NPFFR1: variants seen among roughly 807,000 people sequenced by gnomAD.
NPFFR1 encodes G-protein coupled receptor 147.
A neutral mutation model predicts 12.7 loss-of-function variants in NPFFR1; 17 were observed. The ratio of observed to expected loss-of-function variants is 1.34; its 90% confidence interval spans 0.92 to 2.01. The LOEUF (loss-of-function observed/expected upper bound fraction) is 2.01, where lower values mean the gene tolerates loss of function less well. NPFFR1 is among the 30% of genes most tolerant of loss of function. NPFFR1 has a pLI of 0.00. For synonymous variants in NPFFR1, 296 were observed against 264.5 expected (o/e 1.12, Z -1.16); for missense variants, 604 against 606.5 (o/e 1.00, Z 0.04).
At position 70,248,489 on chromosome 10, in the gene NPFFR1, T is replaced by TTTTTTTTTTTTTTTTTTTTTTTTTG. The variant is rs1840477391; in HGVS notation, c.*6467_*6468insCAAAAAAAAAAAAAAAAAAAAAAAA. The TTTTTTTTTTTTTTTTTTTTTTTTTG allele has an allele frequency of 1.8e-5, 2 of 113,880 alleles. No individual in the cohort carries two copies. The highest frequency in any genetic ancestry group is 3.5e-5 in the Non-Finnish European group (2 of 57,096). 7.1% of individuals were successfully genotyped at this position (113,880 alleles called of 1,614,324 possible). A position where few individuals can be genotyped will look rare whatever the true frequency, so the allele number is the denominator to read the frequency against. The stretch of plus-strand genomic sequence containing the variant: ...GGCGTTTTTTTTTTGTTTTTTGTTT[T>TTTTTTTTTTTTTTTTTTTTTTTTTG]TTTTTTTTTTTTTTGAGATGGAGTC... On this transcript the variant is annotated 3_prime_UTR_variant, in exon 4 of 4. Coordinates refer to ENST00000277942, the MANE Select transcript of NPFFR1 (RefSeq NM_022146.5).
At chr10:70,272,433 C>G (rs2136806178) in intron 1 of NPFFR1, among the ~76,000 whole-genome samples, 1 of 152,280 alleles carries the variant, frequency 6.6e-6, no homozygotes, top group East Asian at 1.9e-4. Flanking sequence ...CCAGTGAACC[C>G]AGGCCTGGAT....
At chr10:70,275,875 A>C (rs1840799342) in intron 1 of NPFFR1, among the ~76,000 whole-genome samples, 1 of 152,210 alleles carries the variant, frequency 6.6e-6, no homozygotes, top group Admixed American at 6.5e-5. Context: ...CAGGAAAATC[A>C]AAACTCAAAG....
chr10:70,272,749 T>C (rs1350525730), intron 1 of NPFFR1, among the ~76,000 whole-genome samples: 1 of 152,142 alleles, frequency 6.6e-6, no homozygotes, highest in Non-Finnish European at 1.5e-5. Flanking sequence ...CTCTTCGCAG[T>C]CGAGGCACAT....
rs11818439 is a variant in NPFFR1, at chr10:70,254,483, G to C, written c.*474C>G. 1 of 154,874 alleles carries C rather than the reference G, an allele frequency of 6.5e-6. No individual in the cohort carries two copies. The highest frequency in any genetic ancestry group is 2.1e-4 in the South Asian group (1 of 4,854). 9.6% of individuals were successfully genotyped at this position (154,874 alleles called of 1,614,324 possible). A position where few individuals can be genotyped will look rare whatever the true frequency, so the allele number is the denominator to read the frequency against. On this transcript the variant is annotated 3_prime_UTR_variant, in exon 4 of 4. Transcript: ENST00000277942. The stretch of plus-strand genomic sequence containing the variant: ...AAGGGACAGGCCGGCTTTGCTTTTC[G>C]CTTCTTCCTAGCTGCCTAATTAGGA...
At position 70,283,681 on chromosome 10, in the gene NPFFR1, C is replaced by T. The variant is rs751630372; in HGVS notation, c.-5G>A. The stretch of plus-strand genomic sequence containing the variant: ...CCAGGACCACTCACCCTCCATGATG[C>T]CCCCAGTTGCGGGCTCCGGCGGTCT... On this transcript the variant is annotated 5_prime_UTR_variant, in exon 1 of 4. Transcript: ENST00000277942. 228 of 1,535,280 alleles carry T rather than the reference C, an allele frequency of 1.5e-4. No individual in the cohort carries two copies. Among genetic ancestry groups the T allele is most frequent in the South Asian group, 6.5e-4 (55 of 84,028 alleles).
intron 2 of NPFFR1, among the ~76,000 whole-genome samples, chr10:70,262,428 A>G (rs183946896): frequency 2.6e-5 from 4 of 152,338 alleles, no homozygotes; most frequent in Admixed American, 6.5e-5. Context: ...AAAGAACTGT[A>G]TACAAATTCT....
Position 70,254,881 on chromosome 10 carries a change from C to T in NPFFR1, c.*76G>A, listed in dbSNP as rs1840544450. On this transcript the variant is annotated 3_prime_UTR_variant, in exon 4 of 4. Transcript: ENST00000277942. ...GACCACGCATCCTCACCTAACCACA[C>T]CAGGCCGCTATCGCCTGCATGTATC... 5.1e-6 allele frequency: 7 copies of T among 1,362,778 alleles called. No homozygotes were observed. In the South Asian group the frequency reaches 9.3e-5, roughly 18 times the overall value. 84.4% of individuals were successfully genotyped at this position (1,362,778 alleles called of 1,614,324 possible). A position where few individuals can be genotyped will look rare whatever the true frequency, so the allele number is the denominator to read the frequency against.
chr10:70,247,862 T>A lies in NPFFR1; in HGVS notation c.*7095A>T, dbSNP rs1840465257. On this transcript the variant is annotated 3_prime_UTR_variant, in exon 4 of 4. Coordinates refer to ENST00000277942, the MANE Select transcript of NPFFR1 (RefSeq NM_022146.5). ...GCTTTTGCTCCTTCAGTGACCACAG[T>A]GCAGGGGAGCCCGTGGCTGCTTTGA... 1 of 152,262 alleles carries A rather than the reference T, an allele frequency of 6.6e-6. No homozygotes were observed. Among genetic ancestry groups the A allele is most frequent in the Admixed American group, 6.5e-5 (1 of 15,284 alleles). The allele number at this position is 152,262 out of a possible 1,614,324, so 9.4% of individuals were successfully genotyped here.
In NPFFR1 at chr10:70,253,997, C is replaced by G. The variant is rs1840537332; in HGVS notation, c.*960G>C. 6.6e-6 allele frequency: 1 copy of G among 152,212 alleles called. No individual in the cohort carries two copies. Among genetic ancestry groups the G allele is most frequent in the Non-Finnish European group, 1.5e-5 (1 of 68,056 alleles). 9.4% of individuals were successfully genotyped at this position (152,212 alleles called of 1,614,324 possible). A position where few individuals can be genotyped will look rare whatever the true frequency, so the allele number is the denominator to read the frequency against. On this transcript the variant is annotated 3_prime_UTR_variant, in exon 4 of 4. Transcript: ENST00000277942. ...CTGCAGCTTCAGTTGACCAACTTCT[C>G]CCTCCCAGGAAGCAGGGAGGAGAGA...
At chr10:70,258,389 T>G (rs1458158329) in intron 3 of NPFFR1, among the ~76,000 whole-genome samples, 12 of 151,980 alleles carry the variant, frequency 7.9e-5, no homozygotes. Context: ...AACCTCCCCC[T>G]GCAGCATGGT....
At position 70,253,886 on chromosome 10, in the gene NPFFR1, C is replaced by T. The variant is rs1318242861; in HGVS notation, c.*1071G>A. On this transcript the variant is annotated 3_prime_UTR_variant, in exon 4 of 4. Coordinates refer to ENST00000277942, the MANE Select transcript of NPFFR1 (RefSeq NM_022146.5). ...GAAAGCCAGAGTAAACAGGGCTCTC[C>T]TGGTACCTCCTTAGAGTACACAAGT... is the stretch of plus-strand genomic sequence containing the variant. The T allele has an allele frequency of 6.6e-6, 1 of 152,278 alleles. No individual in the cohort carries two copies. The highest frequency in any genetic ancestry group is 2.4e-5 in the African/African-American group (1 of 41,436). 9.4% of individuals were successfully genotyped at this position (152,278 alleles called of 1,614,324 possible). A position where few individuals can be genotyped will look rare whatever the true frequency, so the allele number is the denominator to read the frequency against.
chr10:70,271,829 A>G (rs894855083), intron 1 of NPFFR1, among the ~76,000 whole-genome samples: 3 of 152,084 alleles, frequency 2.0e-5, no homozygotes, highest in African/African-American at 7.2e-5. Context: ...TGAGAAAAAA[A>G]TCCCTGGCAG....
chr10:70,269,543 A>G (rs1231933187), intron 1 of NPFFR1, among the ~76,000 whole-genome samples: 3 of 145,026 alleles, frequency 2.1e-5, no homozygotes, highest in Admixed American at 1.4e-4. Flanking sequence ...CGGAGTCTTG[A>G]TCTGTTGCCC....
intron 3 of NPFFR1, among the ~76,000 whole-genome samples, chr10:70,258,304 C>T (rs1035309969): frequency 7.3e-6 from 1 of 137,134 alleles, no homozygotes; most frequent in African/African-American, 2.8e-5. Flanking sequence ...ACCTTGTCTC[C>T]AAAAAAAAAA....
Position 70,255,106 on chromosome 10 carries a change from C to G in NPFFR1, c.1144G>C (p.Gly382Arg), listed in dbSNP as rs541546075. ...CTAGGGCCCGACTCAGAGGGCAGCC[C>G]GGAGTCGCTGGGCCGCACCACCACG... Reference protein sequence around the residue: ...VFVVVRPSDSGLPSESGPSSG... With the variant: ...VFVVVRPSDSRLPSESGPSSG... The change falls in exon 4 of 4, where the codon GGG (glycine) becomes CGG (arginine). Residue 382 changes from glycine to arginine, a missense_variant. By Grantham distance (125) the Gly-to-Arg change is moderately radical (BLOSUM62 -2). Transcript: ENST00000277942. This position sits in a 1 kb window ranked among gnomAD's most constrained non-coding sequence, Gnocchi z 4.2. 6.7e-7 allele frequency: 1 copy of G among 1,488,784 alleles called. No individual in the cohort carries two copies. Among genetic ancestry groups the G allele is most frequent in the Non-Finnish European group, 8.9e-7 (1 of 1,123,368 alleles). 92.2% of individuals were successfully genotyped at this position (1,488,784 alleles called of 1,614,324 possible). A position where few individuals can be genotyped will look rare whatever the true frequency, so the allele number is the denominator to read the frequency against.
chr10:70,261,282 C>A (rs933827600), intron 2 of NPFFR1, among the ~76,000 whole-genome samples: 2 of 152,150 alleles, frequency 1.3e-5, no homozygotes, highest in Non-Finnish European at 2.9e-5. Context: ...CTTCTCTCTC[C>A]TGCTGACTTG....
intron 1 of NPFFR1, among the ~76,000 whole-genome samples, chr10:70,282,701 C>A (rs1348845413): frequency 6.6e-6 from 1 of 152,110 alleles, no homozygotes; most frequent in Non-Finnish European, 1.5e-5. Flanking sequence ...TTCCCCCATT[C>A]GATAGATGGG....
At chr10:70,260,480 G>C (rs1006617859) in intron 3 of NPFFR1, among the ~76,000 whole-genome samples, 160 bp downstream of exon 3, 1 of 152,174 alleles carries the variant, frequency 6.6e-6, no homozygotes, top group Admixed American at 6.5e-5. Context: ...TAGGGAGAGG[G>C]CAGCTGGGCC....
intron 1 of NPFFR1, among the ~76,000 whole-genome samples, chr10:70,273,716 C>T (rs1840772954): frequency 6.6e-6 from 1 of 152,204 alleles, no homozygotes; most frequent in Non-Finnish European, 1.5e-5. Flanking sequence ...TTTGGATTTG[C>T]CTCTGAGTCT....
Sources: allele counts gnomAD v4.1 joint callset (sites outside exome capture counted in the v4.1 genomes callset), GRCh38; gene constraint gnomAD v4.1.1; non-coding constraint Gnocchi (gnomAD v3.1); transcripts MANE v1.5; gene names NCBI Gene and HGNC (gene_info 2026-07-23, HGNC 2026-07-21).